Variants in DMP1 observed in about 807,000 individuals in gnomAD.
The protein encoded by DMP1 is dentin matrix protein 1.
A neutral mutation model predicts 14.6 loss-of-function variants in DMP1; 20 were observed. That is an observed-to-expected ratio of 1.37 (90% CI 0.96 to 1.99). The LOEUF is 1.99. Ranked by LOEUF, DMP1 falls within the 30% of genes most tolerant of loss-of-function variation. DMP1 has a pLI of 0.00. For synonymous variants in DMP1, 197 were observed against 215.3 expected (o/e 0.91, Z 0.75); for missense variants, 567 against 620.5 (o/e 0.91, Z 0.92).
At chr4:87,659,922 A>G (rs1253603272) in intron 5 of DMP1, among the ~76,000 whole-genome samples, 2 of 152,226 alleles carry the variant, frequency 1.3e-5, no homozygotes, top group Non-Finnish European at 2.9e-5. Context: ...GGAAACTTTA[A>G]TGAAAAGAAC....
Position 87,663,512 on chromosome 4 carries a change from A to G in DMP1, c.*192A>G. The stretch of plus-strand genomic sequence containing the variant: ...TTTCACAGAGGTTTAAATACTGTGG[A>G]GTGACACCAGAACACAGCCAAAGAG... On this transcript the variant is annotated 3_prime_UTR_variant, in exon 6 of 6. Transcript: ENST00000339673. 1 of 775,538 alleles carries G rather than the reference A, an allele frequency of 1.3e-6. No individual in the cohort carries two copies. The highest frequency in any genetic ancestry group is 2.1e-6 in the Non-Finnish European group (1 of 482,912). The allele number at this position is 775,538 out of a possible 1,614,324, so 48.0% of individuals were successfully genotyped here.
chr4:87,656,871 C>T lies in DMP1; in HGVS notation c.55-161C>T, dbSNP rs1002371584. Among the ~76,000 whole-genome samples, 9 of 152,192 alleles carry T rather than the reference C, an allele frequency of 5.9e-5. 1 individual carries two copies. The highest frequency in any genetic ancestry group is 5.9e-4 in the Admixed American group (9 of 15,270). ...TACCTCAGAGCTGCTAAGCCAGACT[C>T]TTTAGGGATAGGAAACAGAAATCAG... On this transcript the variant is annotated intron_variant, in intron 2 of 5. Transcript: ENST00000339673.
At chr4:87,653,377 T>G in intron 1 of DMP1, among the ~76,000 whole-genome samples, 1 of 109,590 alleles carries the variant, frequency 9.1e-6, no homozygotes, top group Non-Finnish European at 1.9e-5. Flanking sequence ...TATTCAGGCA[T>G]TATCGAGTGA....
chr4:87,658,516 T>C (rs985516004), intron 3 of DMP1, among the ~76,000 whole-genome samples: 2 of 152,258 alleles, frequency 1.3e-5, no homozygotes, highest in Non-Finnish European at 1.5e-5. Context: ...AAGGGTTTCA[T>C]GGCTTTCTCA....
At chr4:87,661,347 G>A (rs555643693) in intron 5 of DMP1, among the ~76,000 whole-genome samples, 13 of 149,306 alleles carry the variant, frequency 8.7e-5, no homozygotes, top group South Asian at 2.1e-4. Flanking sequence ...TCAGCCTCCG[G>A]AGTAGCTGGG....
chr4:87,657,899 G>T (rs575420344), intron 3 of DMP1, among the ~76,000 whole-genome samples: 2 of 152,296 alleles, frequency 1.3e-5, no homozygotes, highest in East Asian at 3.9e-4. Context: ...AATGCTTTTG[G>T]TGGTGGCCAG....
intron 1 of DMP1, among the ~76,000 whole-genome samples, chr4:87,653,829 T>C (rs1728605118): frequency 6.6e-6 from 1 of 152,120 alleles, no homozygotes; most frequent in Non-Finnish European, 1.5e-5. Flanking sequence ...CCTCACCCTC[T>C]GAAGGTTTGC....
At chr4:87,652,513 T>C (rs1408802963) in intron 1 of DMP1, among the ~76,000 whole-genome samples, 1 of 152,212 alleles carries the variant, frequency 6.6e-6, no homozygotes, top group African/African-American at 2.4e-5. Context: ...TCTTTTATTT[T>C]AGTTTACTAG....
intron 1 of DMP1, among the ~76,000 whole-genome samples, chr4:87,655,355 TC>T (rs1298263505): frequency 6.6e-6 from 1 of 152,164 alleles, no homozygotes; most frequent in Non-Finnish European, 1.5e-5. Context: ...AAGCAACAGC[TC>T]TTGAAGTGTG....
intron 1 of DMP1, among the ~76,000 whole-genome samples, chr4:87,652,102 C>T (rs1157286200): frequency 2.6e-5 from 4 of 152,118 alleles, no homozygotes; most frequent in East Asian, 1.9e-4. Flanking sequence ...TCTAATACAC[C>T]GCCTTCCAAA....
At chr4:87,656,734 G>C (rs1401623696) in intron 2 of DMP1, among the ~76,000 whole-genome samples, 188 bp downstream of exon 2, 1 of 152,152 alleles carries the variant, frequency 6.6e-6, no homozygotes, top group Non-Finnish European at 1.5e-5. Context: ...CATTCACATA[G>C]ATATCATTCA....
intron 1 of DMP1, among the ~76,000 whole-genome samples, chr4:87,651,474 G>C (rs892042423): frequency 6.6e-6 from 1 of 151,936 alleles, no homozygotes; most frequent in Non-Finnish European, 1.5e-5. Flanking sequence ...TCATATCCTG[G>C]CCAAGTTTGA....
intron 5 of DMP1, among the ~76,000 whole-genome samples, chr4:87,661,268 T>TG (rs1022935524): frequency 8.9e-5 from 12 of 134,932 alleles, no homozygotes; most frequent in African/African-American, 3.4e-4. Flanking sequence ...TCGCCCAGGC[T>TG]GGAGTGCAGT....
At position 87,662,615 on chromosome 4, in the gene DMP1, A is replaced by G; in HGVS notation, c.837A>G (p.Arg279=). 1 of 1,614,200 alleles carries G rather than the reference A, an allele frequency of 6.2e-7. No homozygotes were observed. The highest frequency in any genetic ancestry group is 1.1e-5 in the South Asian group (1 of 91,078). ...RKSRISEEDD[R]SELDDNNTME... ...CTCGCATCTCAGAGGAAGATGACAG[A>G]AGCGAGCTTGATGACAACAACACAA... The change falls in exon 6 of 6, where the codon AGA becomes AGG. Residue 279 remains arginine, a synonymous_variant. Transcript: ENST00000339673.
Position 87,663,466 on chromosome 4 carries a change from C to T in DMP1, c.*146C>T. 1.6e-6 allele frequency: 2 copies of T among 1,247,574 alleles called. No individual in the cohort carries two copies. Among genetic ancestry groups the T allele is most frequent in the Non-Finnish European group, 2.3e-6 (2 of 879,752 alleles). The allele number at this position is 1,247,574 out of a possible 1,614,324, so 77.3% of individuals were successfully genotyped here. ...CTGAAAGGAATTGCTGGACATTACA[C>T]TTGTTTTTAGGGTGTCATCATTTCA... On this transcript the variant is annotated 3_prime_UTR_variant, in exon 6 of 6. Coordinates refer to ENST00000339673, the MANE Select transcript of DMP1 (RefSeq NM_004407.4).
intron 3 of DMP1, 42 bp downstream of exon 3, chr4:87,657,121 TTATTA>T: frequency 1.7e-6 from 2 of 1,151,320 alleles, no homozygotes; most frequent in East Asian, 4.9e-5. Context: ...TAATTTTAAT[TTATTA>T]TGAGTATAAC....
rs781247375 is a variant in DMP1, at chr4:87,663,177, A to G, written c.1399A>G (p.Asn467Asp). Residue 467 changes from asparagine to aspartate, a missense_variant, in exon 6 of 6, where the codon AAC becomes GAC. Physicochemically the swap from Asn to Asp is conservative, Grantham distance 23. Transcript: ENST00000339673. ...CAGCAGCAGATCCAAAGAAGATAGC[A>G]ACTCCACGGAGAGCAAATCAAGCAG... ...QDSSRSKEDS[N>D]STESKSSSEE... The G allele has an allele frequency of 6.2e-7, 1 of 1,614,186 alleles. No homozygotes were observed. Among genetic ancestry groups the G allele is most frequent in the South Asian group, 1.1e-5 (1 of 91,084 alleles).
rs886059690 is a variant in DMP1, at chr4:87,664,015, T to A, written c.*695T>A. On this transcript the variant is annotated 3_prime_UTR_variant, in exon 6 of 6. Coordinates refer to ENST00000339673, the MANE Select transcript of DMP1 (RefSeq NM_004407.4). Reference sequence around the variant, plus strand: ...CACTTTGAAATTATGGCACAGTGAGTTGTTTTGGATAAGAAAATCTTTTTC... The same window carrying A: ...CACTTTGAAATTATGGCACAGTGAGATGTTTTGGATAAGAAAATCTTTTTC... 13 of 152,192 alleles carry A rather than the reference T, an allele frequency of 8.5e-5. No homozygotes were observed. Among genetic ancestry groups the A allele is most frequent in the African/African-American group, 2.4e-5 (1 of 41,402 alleles). 9.4% of individuals were successfully genotyped at this position (152,192 alleles called of 1,614,324 possible). A position where few individuals can be genotyped will look rare whatever the true frequency, so the allele number is the denominator to read the frequency against.
intron 5 of DMP1, among the ~76,000 whole-genome samples, chr4:87,660,220 A>G (rs1204518723): frequency 6.6e-6 from 1 of 152,152 alleles, no homozygotes; most frequent in Non-Finnish European, 1.5e-5. Flanking sequence ...ATCCCTATTT[A>G]CTTAAGGTTA....
Sources: allele counts gnomAD v4.1 joint callset (sites outside exome capture counted in the v4.1 genomes callset), GRCh38; gene constraint gnomAD v4.1.1; transcripts MANE v1.5; gene names NCBI Gene and HGNC (gene_info 2026-07-23, HGNC 2026-07-21).